Variants in HMBOX1 observed in about 807,000 individuals in gnomAD.
HMBOX1 encodes homeobox containing 1, also known as homeobox-containing protein 1.
HMBOX1 carries 14 observed loss-of-function variants against 54.5 expected under a neutral mutation model. The ratio of observed to expected loss-of-function variants is 0.26; its 90% CI spans 0.17 to 0.40. The LOEUF (loss-of-function observed/expected upper bound fraction) is 0.40, where lower values mean the gene tolerates loss of function less well. Ranked by LOEUF, HMBOX1 falls within the 10% of genes least tolerant of loss-of-function variation. HMBOX1 has a pLI of 1.00. For synonymous variants in HMBOX1, 160 were observed against 181.0 expected, an observed-to-expected ratio of 0.88 and a Z score of 0.93; for missense variants, 332 against 514.4, an observed-to-expected ratio of 0.65 and a Z score of 3.43.
intron 1 of HMBOX1, among the ~76,000 whole-genome samples, chr8:28,922,169 T>G (rs1216777762): frequency 6.6e-6 from 1 of 152,230 alleles, no homozygotes; most frequent in Non-Finnish European, 1.5e-5. Context: ...AAATACAGAC[T>G]TTTTCCTTAT....
chr8:29,018,925 CT>C lies in HMBOX1; in HGVS notation c.851+17del. 6.2e-7 allele frequency: 1 copy of C among 1,613,328 alleles called. No individual in the cohort carries two copies. Among genetic ancestry groups the C allele is most frequent in the Non-Finnish European group, 8.5e-7 (1 of 1,179,432 alleles). On this transcript the variant is annotated intron_variant, in intron 6 of 9. Transcript: ENST00000287701. ...GCTGTTATGGAAAGGTATGTGTCTC[CT>C]TTTTCTACGAATGATCTCCCAAACT...
chr8:29,050,497 T>C (rs1462290503), intron 9 of HMBOX1: 1 of 153,058 alleles, frequency 6.5e-6, no homozygotes, highest in African/African-American at 2.4e-5. Flanking sequence ...CCTGTTGTAA[T>C]GGAGAATTCT....
chr8:28,985,381 A>G (rs1228491196), intron 4 of HMBOX1, among the ~76,000 whole-genome samples: 1 of 152,186 alleles, frequency 6.6e-6, no homozygotes, highest in African/African-American at 2.4e-5. Flanking sequence ...ATCACCTCCC[A>G]AAGATCCCGC....
At chr8:28,943,450 T>A (rs1342693782) in intron 1 of HMBOX1, among the ~76,000 whole-genome samples, 1 of 152,194 alleles carries the variant, frequency 6.6e-6, no homozygotes, top group East Asian at 1.9e-4. Context: ...TTGTACAGAT[T>A]TCTCGTCCTC....
intron 4 of HMBOX1, among the ~76,000 whole-genome samples, chr8:28,991,650 AG>A (rs1830997277): frequency 6.6e-6 from 1 of 152,210 alleles, no homozygotes; most frequent in South Asian, 2.1e-4. Flanking sequence ...TGTCATTTTA[AG>A]GACTAGAATA....
intron 1 of HMBOX1, among the ~76,000 whole-genome samples, chr8:28,893,325 C>G (rs1377140370): frequency 6.6e-6 from 1 of 152,130 alleles, no homozygotes; most frequent in Non-Finnish European, 1.5e-5. Context: ...AGTAGAAAAC[C>G]AGGGCATGGG....
chr8:28,997,216 T>C (rs1439079175), intron 4 of HMBOX1, among the ~76,000 whole-genome samples: 1 of 152,222 alleles, frequency 6.6e-6, no homozygotes, highest in Non-Finnish European at 1.5e-5. Flanking sequence ...CTTTCCCCGT[T>C]ACGTATGATG....
intron 1 of HMBOX1, among the ~76,000 whole-genome samples, chr8:28,894,533 G>T (rs765838048): frequency 4.6e-5 from 7 of 152,140 alleles, no homozygotes; most frequent in Non-Finnish European, 1.0e-4. Context: ...TATTGATATT[G>T]AAAGTTTTCT....
intron 1 of HMBOX1, among the ~76,000 whole-genome samples, chr8:28,954,699 T>A (rs1328604558): frequency 6.6e-6 from 1 of 152,210 alleles, no homozygotes; most frequent in African/African-American, 2.4e-5. Flanking sequence ...GTATATACTC[T>A]GTCACAACAA....
intron 9 of HMBOX1, chr8:29,050,128 G>T (rs1378869036): frequency 2.3e-6 from 1 of 425,612 alleles, no homozygotes; most frequent in African/African-American, 2.2e-5. Flanking sequence ...CCACATAGAT[G>T]GATCATTTCC....
intron 9 of HMBOX1, chr8:29,049,291 A>G (rs1235366020): frequency 2.7e-5 from 42 of 1,536,124 alleles, no homozygotes; most frequent in Non-Finnish European, 3.7e-5. Context: ...ATACAACAGG[A>G]TACTTGGCAA....
chr8:28,981,945 T>C (rs1028770605), intron 4 of HMBOX1, among the ~76,000 whole-genome samples: 16 of 151,992 alleles, frequency 1.1e-4, no homozygotes, highest in African/African-American at 3.4e-4. Flanking sequence ...ATCGTAAAAA[T>C]ACTGAATACT....
At chr8:28,952,787 T>G (rs1426991789) in intron 1 of HMBOX1, among the ~76,000 whole-genome samples, 2 of 152,244 alleles carry the variant, frequency 1.3e-5, no homozygotes, top group African/African-American at 2.4e-5. Flanking sequence ...TGACAAGTAC[T>G]GTATGTAATA....
At chr8:29,034,995 G>A (rs564163494) in intron 6 of HMBOX1, among the ~76,000 whole-genome samples, 81 of 152,122 alleles carry the variant, frequency 5.3e-4, no homozygotes, top group Non-Finnish European at 8.5e-4. Flanking sequence ...AAAGTAATAA[G>A]TACCCATGTG....
intron 4 of HMBOX1, among the ~76,000 whole-genome samples, chr8:28,988,293 T>C (rs554182461): frequency 7.2e-5 from 11 of 152,396 alleles, no homozygotes; most frequent in African/African-American, 2.4e-4. Flanking sequence ...ACTAATCCAT[T>C]GAATGGATAT....
chr8:29,028,768 A>T (rs1462722232), intron 6 of HMBOX1, among the ~76,000 whole-genome samples: 1 of 152,212 alleles, frequency 6.6e-6, no homozygotes, highest in Non-Finnish European at 1.5e-5. Context: ...TCATATGTGT[A>T]AATAATGACA....
chr8:29,046,153 T>C (rs1165375225), intron 7 of HMBOX1: 1 of 152,220 alleles, frequency 6.6e-6, no homozygotes, highest in Non-Finnish European at 1.5e-5. Context: ...TATCAATGTT[T>C]TATAGAAATT....
intron 4 of HMBOX1, among the ~76,000 whole-genome samples, chr8:28,984,302 A>G (rs1337947141): frequency 6.6e-6 from 1 of 152,266 alleles, no homozygotes; most frequent in African/African-American, 2.4e-5. Context: ...CAACTCTAAT[A>G]TGTGAAATAA....
intron 1 of HMBOX1, among the ~76,000 whole-genome samples, chr8:28,937,146 A>G (rs1820552143): frequency 6.6e-6 from 1 of 152,160 alleles, no homozygotes; most frequent in African/African-American, 2.4e-5. Context: ...GGAAAAAGAG[A>G]CTTATAAACT....
Sources: allele counts gnomAD v4.1 joint callset (sites outside exome capture counted in the v4.1 genomes callset), GRCh38; gene constraint gnomAD v4.1.1; transcripts MANE v1.5; gene names NCBI Gene and HGNC (gene_info 2026-07-23, HGNC 2026-07-21).